The following SMIM31 variants were observed in gnomAD, a reference collection of about 807,000 sequenced individuals.
The protein encoded by SMIM31 is small integral membrane protein 31, also known as human epithelial cell program regulator.
At chr4:164,780,892 C>T (rs571620197) in intron 2 of SMIM31, among the ~76,000 whole-genome samples, 1 of 152,112 alleles carries the variant, frequency 6.6e-6, no homozygotes, top group Non-Finnish European at 1.5e-5. Context: ...CTCACTGAAG[C>T]CTCAAACTCC....
intron 2 of SMIM31, among the ~76,000 whole-genome samples, chr4:164,781,506 T>G (rs1732948305): frequency 6.6e-6 from 1 of 152,162 alleles, no homozygotes; most frequent in African/African-American, 2.4e-5. Context: ...TGAATGAATC[T>G]CAAATGTGTT....
chr4:164,783,937 C>T (rs971915586), intron 2 of SMIM31, among the ~76,000 whole-genome samples: 4 of 152,180 alleles, frequency 2.6e-5, no homozygotes, highest in Non-Finnish European at 4.4e-5. Flanking sequence ...CAGTTTTCTT[C>T]ATGACATAAC....
At chr4:164,779,332 C>G (rs1732917548) in intron 2 of SMIM31, among the ~76,000 whole-genome samples, 1 of 152,156 alleles carries the variant, frequency 6.6e-6, no homozygotes, top group African/African-American at 2.4e-5. Flanking sequence ...CCACAGGCAC[C>G]AAGGTTTCCA....
intron 1 of SMIM31, among the ~76,000 whole-genome samples, chr4:164,760,074 G>A (rs1732625290): frequency 6.6e-6 from 1 of 152,144 alleles, no homozygotes; most frequent in Admixed American, 6.5e-5. Context: ...AAATATGCCT[G>A]GAGTGAAGGA....
chr4:164,772,707 T>C (rs1163629206), intron 2 of SMIM31, among the ~76,000 whole-genome samples: 4 of 151,682 alleles, frequency 2.6e-5, no homozygotes, highest in Non-Finnish European at 5.9e-5. Flanking sequence ...GCCTCCCGTG[T>C]AGCTGGGACT....
At position 164,802,570 on chromosome 4, in the gene SMIM31, A is replaced by G. The variant is rs1733301373; in HGVS notation, c.*1376A>G. 1 of 152,176 alleles carries G rather than the reference A, an allele frequency of 6.6e-6. No individual in the cohort carries two copies. The allele number at this position is 152,176 out of a possible 1,614,324, so 9.4% of individuals were successfully genotyped here. On this transcript the variant is annotated 3_prime_UTR_variant, in exon 3 of 3. Coordinates refer to ENST00000507311, the MANE Select transcript of SMIM31 (RefSeq NM_001352885.1). ...TAACTCTTACAAACATTAAACCATCACAATCAATGCTGGCAGCATTATCGT... is the reference window on the plus strand; with the variant it reads ...TAACTCTTACAAACATTAAACCATCGCAATCAATGCTGGCAGCATTATCGT...
intron 2 of SMIM31, among the ~76,000 whole-genome samples, chr4:164,790,589 A>G (rs7675015): frequency 0.55 from 82,647 of 151,500 alleles, 23,036 homozygotes; most frequent in South Asian, 0.63. Flanking sequence ...AAAACAAAAC[A>G]CAGAAAACCT....
chr4:164,773,148 C>T (rs1446130536), intron 2 of SMIM31, among the ~76,000 whole-genome samples: 3 of 149,408 alleles, frequency 2.0e-5, no homozygotes, highest in Non-Finnish European at 4.4e-5. Context: ...TAGATAAGGA[C>T]ATCCAGGCAA....
intron 1 of SMIM31, among the ~76,000 whole-genome samples, chr4:164,757,368 C>T (rs562104368): frequency 6.6e-6 from 1 of 151,900 alleles, no homozygotes; most frequent in African/African-American, 2.4e-5. Context: ...CTGAGCCTTG[C>T]CTACTCATTT....
intron 2 of SMIM31, among the ~76,000 whole-genome samples, chr4:164,797,729 C>T (rs1017371226): frequency 6.6e-6 from 1 of 152,152 alleles, no homozygotes; most frequent in Non-Finnish European, 1.5e-5. Flanking sequence ...CCCCAAAGTG[C>T]TGGGATTACA....
At chr4:164,781,132 A>G (rs1374232786) in intron 2 of SMIM31, among the ~76,000 whole-genome samples, 1 of 99,568 alleles carries the variant, frequency 1.0e-5, no homozygotes, top group Non-Finnish European at 2.1e-5. Context: ...ATTTACATAC[A>G]CACACACACA....
intron 1 of SMIM31, among the ~76,000 whole-genome samples, chr4:164,757,612 TA>T (rs1387219650): frequency 6.6e-6 from 1 of 152,078 alleles, no homozygotes; most frequent in African/African-American, 2.4e-5. Context: ...GAAGCAGAAA[TA>T]GAAGTTCCTT....
At chr4:164,783,637 C>CTGGGTGTAATG (rs1418825866) in intron 2 of SMIM31, among the ~76,000 whole-genome samples, 1 of 149,714 alleles carries the variant, frequency 6.7e-6, no homozygotes, top group East Asian at 2.0e-4. Flanking sequence ...GATCCATAAA[C>CTGGGTGTAATG]TGGGTGTAAT....
intron 1 of SMIM31, among the ~76,000 whole-genome samples, chr4:164,766,298 GT>G (rs374612468): frequency 7.2e-5 from 11 of 152,104 alleles, no homozygotes; most frequent in African/African-American, 2.7e-4. Flanking sequence ...TCAATCCAGA[GT>G]TTCCATTCAC....
chr4:164,798,199 G>C (rs1211022985), intron 2 of SMIM31, among the ~76,000 whole-genome samples: 1 of 151,368 alleles, frequency 6.6e-6, no homozygotes, highest in African/African-American at 2.4e-5. Flanking sequence ...AAACATATGA[G>C]TATAGGTATC....
At chr4:164,797,390 A>G (rs1733212206) in intron 2 of SMIM31, among the ~76,000 whole-genome samples, 1 of 152,078 alleles carries the variant, frequency 6.6e-6, no homozygotes, top group Non-Finnish European at 1.5e-5. Context: ...GAATATAGAT[A>G]TAAACACAGA....
chr4:164,799,821 A>G (rs996162282), intron 2 of SMIM31, among the ~76,000 whole-genome samples: 2 of 152,254 alleles, frequency 1.3e-5, no homozygotes, highest in African/African-American at 4.8e-5. Context: ...AGTCTGAAGC[A>G]TGGTGTGTGC....
chr4:164,795,360 C>A (rs1352052102), intron 2 of SMIM31, among the ~76,000 whole-genome samples: 1 of 152,080 alleles, frequency 6.6e-6, no homozygotes, highest in Non-Finnish European at 1.5e-5. Context: ...GAGTTCGAGG[C>A]CAGCCTGGCC....
chr4:164,758,630 GTTTTTTTTT>G (rs1210607914), intron 1 of SMIM31, among the ~76,000 whole-genome samples: 6 of 96,640 alleles, frequency 6.2e-5, no homozygotes, highest in African/African-American at 2.6e-4. Context: ...TCCTTTTTTT[GTTTTTTTTT>G]TTTTTTTTTT....
Sources: allele counts gnomAD v4.1 joint callset (sites outside exome capture counted in the v4.1 genomes callset), GRCh38; gene constraint gnomAD v4.1.1; transcripts MANE v1.5; gene names NCBI Gene and HGNC (gene_info 2026-07-23, HGNC 2026-07-21).